The following SPOCK3 variants were observed in gnomAD, a reference collection of about 807,000 sequenced individuals.
SPOCK3 encodes testican-3.
Under a neutral mutation model 56.6 loss-of-function variants are expected in SPOCK3, and 30 were observed. The observed-to-expected ratio is 0.53, with a 90% CI of 0.40 to 0.72. The LOEUF (loss-of-function observed/expected upper bound fraction) is 0.72. Among genes scored for constraint, SPOCK3 ranks in the 30% least tolerant of loss-of-function variants. SPOCK3 has a pLI of 0.00. For missense variants in SPOCK3, 527 were observed against 530.0 expected, an observed-to-expected ratio of 0.99 and a Z score of 0.06; for synonymous variants, 196 against 183.3, an observed-to-expected ratio of 1.07 and a Z score of -0.56.
At chr4:167,079,456 T>C (rs1757513614) in intron 2 of SPOCK3, among the ~76,000 whole-genome samples, 1 of 152,104 alleles carries the variant, frequency 6.6e-6, no homozygotes, top group African/African-American at 2.4e-5. Flanking sequence ...TTTAATTCCA[T>C]GTCTATAGAA....
chr4:167,179,711 C>T (rs1260575738), intron 2 of SPOCK3, among the ~76,000 whole-genome samples: 2 of 152,022 alleles, frequency 1.3e-5, no homozygotes, highest in South Asian at 2.1e-4. Context: ...CAGAATGATA[C>T]CGCATTATAT....
intron 4 of SPOCK3, among the ~76,000 whole-genome samples, chr4:166,921,470 C>T (rs375045860): frequency 1.4e-4 from 22 of 152,204 alleles, no homozygotes; most frequent in African/African-American, 5.3e-4. Flanking sequence ...GCGCACGCCA[C>T]CACGCTCAGC....
chr4:166,922,105 T>C (rs536785377), intron 4 of SPOCK3, among the ~76,000 whole-genome samples: 1 of 152,212 alleles, frequency 6.6e-6, no homozygotes, highest in Admixed American at 6.5e-5. Context: ...GGTCTAGGTG[T>C]TGCCCTCCTT....
intron 4 of SPOCK3, among the ~76,000 whole-genome samples, chr4:166,991,618 C>T (rs1747800868): frequency 6.6e-6 from 1 of 152,086 alleles, no homozygotes; most frequent in Non-Finnish European, 1.5e-5. Context: ...CACCTGCCCA[C>T]CTCAGCCTCC....
At chr4:167,172,571 A>C (rs1013508287) in intron 2 of SPOCK3, among the ~76,000 whole-genome samples, 3 of 152,192 alleles carry the variant, frequency 2.0e-5, no homozygotes, top group African/African-American at 7.2e-5. Context: ...CCTAAAATAC[A>C]TAAGCAACTT....
At chr4:166,841,236 T>A (rs893787600) in intron 6 of SPOCK3, among the ~76,000 whole-genome samples, 1 of 152,158 alleles carries the variant, frequency 6.6e-6, no homozygotes, top group African/African-American at 2.4e-5. Flanking sequence ...CTGTGGCAAT[T>A]TAACTGAAGG....
At chr4:166,945,401 G>T (rs975379888) in intron 4 of SPOCK3, among the ~76,000 whole-genome samples, 8 of 151,950 alleles carry the variant, frequency 5.3e-5, no homozygotes, top group Admixed American at 5.2e-4. Flanking sequence ...GATTTATTAT[G>T]ACTTCCTCCC....
chr4:166,794,095 T>C (rs1741636491), intron 6 of SPOCK3, among the ~76,000 whole-genome samples: 1 of 150,736 alleles, frequency 6.6e-6, no homozygotes, highest in South Asian at 2.1e-4. Context: ...CAGAGCAATG[T>C]ACAGAATTCA....
chr4:166,763,131 AAG>A (rs1282499647), intron 7 of SPOCK3, among the ~76,000 whole-genome samples: 119 of 133,784 alleles, frequency 8.9e-4, no homozygotes, highest in Non-Finnish European at 1.5e-3. Context: ...CAGCATCAAA[AAG>A]AAAAAAAAAA....
intron 2 of SPOCK3, among the ~76,000 whole-genome samples, chr4:167,184,729 G>T (rs1731803188): frequency 6.6e-6 from 1 of 152,074 alleles, no homozygotes; most frequent in South Asian, 2.1e-4. Context: ...AGAACAGTCT[G>T]ATTTTAAAAT....
intron 2 of SPOCK3, among the ~76,000 whole-genome samples, chr4:167,130,437 G>C (rs901533660): frequency 6.6e-6 from 1 of 151,958 alleles, no homozygotes; most frequent in African/African-American, 2.4e-5. Flanking sequence ...AGTCAATATA[G>C]AGAAAACAAA....
chr4:166,766,306 A>T (rs1055053118), intron 7 of SPOCK3, among the ~76,000 whole-genome samples: 17 of 152,156 alleles, frequency 1.1e-4, no homozygotes, highest in African/African-American at 4.1e-4. Context: ...TCCATTCAGT[A>T]TGATATTGGC....
chr4:167,133,102 A>G (rs1762831146), intron 2 of SPOCK3, among the ~76,000 whole-genome samples: 1 of 152,200 alleles, frequency 6.6e-6, no homozygotes, highest in Non-Finnish European at 1.5e-5. Flanking sequence ...AATTCCAGGA[A>G]TATGTTATAT....
chr4:167,227,931 C>T (rs1359810222), intron 2 of SPOCK3, among the ~76,000 whole-genome samples: 4 of 152,078 alleles, frequency 2.6e-5, no homozygotes, highest in African/African-American at 9.7e-5. Context: ...AATATATAAT[C>T]CCAAGCAAGC....
chr4:166,945,161 CTTTT>C (rs35807583), intron 4 of SPOCK3, among the ~76,000 whole-genome samples: 1 of 151,996 alleles, frequency 6.6e-6, no homozygotes, highest in South Asian at 2.1e-4. Flanking sequence ...AAGCCTTGGC[CTTTT>C]TTGGTGGAGG....
intron 2 of SPOCK3, among the ~76,000 whole-genome samples, chr4:167,091,055 C>A (rs1240822313): frequency 6.6e-6 from 1 of 152,092 alleles, no homozygotes; most frequent in African/African-American, 2.4e-5. Context: ...CCTATTAGTG[C>A]AGACTTGGCC....
intron 4 of SPOCK3, among the ~76,000 whole-genome samples, chr4:166,970,540 A>C (rs935970824): frequency 3.9e-5 from 6 of 152,160 alleles, no homozygotes; most frequent in Non-Finnish European, 8.8e-5. Flanking sequence ...CTTGGCCAAC[A>C]TGGTGAAACT....
intron 2 of SPOCK3, among the ~76,000 whole-genome samples, chr4:167,229,982 A>G (rs1421775014): frequency 6.6e-6 from 1 of 152,090 alleles, no homozygotes; most frequent in African/African-American, 2.4e-5. Context: ...ATCTAGAACT[A>G]TTTGAATTTC....
chr4:167,214,278 T>G (rs761489760), intron 2 of SPOCK3, among the ~76,000 whole-genome samples: 3 of 152,180 alleles, frequency 2.0e-5, no homozygotes. Context: ...ATAAAATACC[T>G]ATAAAAATAT....
Sources: gnomAD v4.1 joint callset for allele counts (sites outside exome capture counted in the v4.1 genomes callset) on GRCh38, gnomAD v4.1.1 for gene constraint, MANE v1.5 for transcripts, NCBI Gene and HGNC (gene_info 2026-07-23, HGNC 2026-07-21) for gene names.